Variants in KCNMA1 observed in about 807,000 individuals in gnomAD.
The protein encoded by KCNMA1 is Calcium-activated potassium channel subunit alpha-1.
In KCNMA1, 29 loss-of-function variants were observed where a neutral mutation model predicts 140.0. The observed-to-expected ratio is 0.21, with a 90% CI of 0.15 to 0.28. KCNMA1 has a LOEUF of 0.28. KCNMA1 is among the 10% of genes least tolerant of loss of function. The pLI is 1.00. For missense variants in KCNMA1, 880 were observed against 1,602.2 expected, an observed-to-expected ratio of 0.55 and a Z score of 7.70; for synonymous variants, 612 against 611.9, an observed-to-expected ratio of 1.00 and a Z score of 0.00.
intron 25 of KCNMA1, among the ~76,000 whole-genome samples, chr10:76,908,973 G>C (rs1407453676): frequency 6.6e-6 from 1 of 152,092 alleles, no homozygotes; most frequent in Non-Finnish European, 1.5e-5. Context: ...TTGTTTTTCG[G>C]TTGCAAAAGT....
At chr10:77,465,037 T>C (rs1345572634) in intron 1 of KCNMA1, among the ~76,000 whole-genome samples, 1 of 152,172 alleles carries the variant, frequency 6.6e-6, no homozygotes, top group Non-Finnish European at 1.5e-5. Context: ...CAAAAATAGA[T>C]GAGAGACTTA....
In KCNMA1 at chr10:76,977,871, C is replaced by T. The variant is rs769823172; in HGVS notation, c.2267-7804G>A. The T allele has an allele frequency of 1.8e-4, 89 of 505,424 alleles. 3 individuals are homozygous for T. Among genetic ancestry groups the T allele is most frequent in the Non-Finnish European group, 9.5e-5 (27 of 283,692 alleles). The allele number at this position is 505,424 out of a possible 1,614,324, so 31.3% of individuals were successfully genotyped here. The stretch of plus-strand genomic sequence containing the variant: ...CCACCCAGTACTTTGGAAAGCAAGG[C>T]GAACCACATCTACCGTGAGCAATTC... On this transcript the variant is annotated intron_variant, in intron 19 of 27. Transcript: ENST00000286628.
intron 17 of KCNMA1, among the ~76,000 whole-genome samples, chr10:77,018,301 G>A (rs1459051316): frequency 6.6e-6 from 1 of 152,158 alleles, no homozygotes; most frequent in East Asian, 1.9e-4. Context: ...TGAGCTGAAT[G>A]ACCTGTCTGA....
At chr10:77,584,937 C>G (rs1420767252) in intron 1 of KCNMA1, among the ~76,000 whole-genome samples, 1 of 152,254 alleles carries the variant, frequency 6.6e-6, no homozygotes, top group Non-Finnish European at 1.5e-5. Flanking sequence ...GGCCAAGGGA[C>G]ACTGGAGCAT....
chr10:76,973,900 A>C (rs1360949421), intron 19 of KCNMA1: 2 of 152,198 alleles, frequency 1.3e-5, no homozygotes, highest in African/African-American at 4.8e-5. Context: ...ATTCAGTCTA[A>C]TGCCTGCATT....
At chr10:77,452,663 C>A (rs1385083034) in intron 1 of KCNMA1, among the ~76,000 whole-genome samples, 1 of 152,200 alleles carries the variant, frequency 6.6e-6, no homozygotes, top group Non-Finnish European at 1.5e-5. Flanking sequence ...CTTCTGCCAA[C>A]CACAGCTGTA....
chr10:77,054,055 G>C (rs999714150), intron 14 of KCNMA1, among the ~76,000 whole-genome samples: 1 of 152,090 alleles, frequency 6.6e-6, no homozygotes, highest in South Asian at 2.1e-4. Flanking sequence ...GGTGAGGGCT[G>C]TGGTAGCAAT....
Position 77,039,550 on chromosome 10 carries a change from G to A in KCNMA1, c.1837C>T (p.Leu613=), listed in dbSNP as rs770184765. The A allele has an allele frequency of 1.2e-6, 2 of 1,607,392 alleles. No individual in the cohort carries two copies. Among genetic ancestry groups the A allele is most frequent in the African/African-American group, 1.3e-5 (1 of 74,898 alleles). The change falls in exon 15 of 28, where the codon CTG becomes TTG. Residue 613 remains leucine, a synonymous_variant. Coordinates refer to ENST00000286628, the MANE Select transcript of KCNMA1 (RefSeq NM_001161352.2). ...TACTCACAAACAGTAGGGAAGGACA[G>A]ACCCACGAAGGCACTGGAGAGATAT... ...TEYLSSAFVG[L]SFPTVCELCF... is the part of the protein sequence containing the mutation.
chr10:77,467,760 C>T (rs918838681), intron 1 of KCNMA1, among the ~76,000 whole-genome samples: 6 of 152,210 alleles, frequency 3.9e-5, no homozygotes, highest in East Asian at 3.9e-4. Flanking sequence ...GGCCACTCGC[C>T]GAGTTCTACA....
At chr10:77,091,626 T>G (rs2096820750) in intron 9 of KCNMA1, 1 of 152,252 alleles carries the variant, frequency 6.6e-6, no homozygotes, top group East Asian at 1.9e-4. Flanking sequence ...TGACAGCATC[T>G]GAGTCTCTAG....
intron 14 of KCNMA1, among the ~76,000 whole-genome samples, chr10:77,045,424 G>A (rs1282993089): frequency 1.3e-5 from 2 of 152,138 alleles, no homozygotes; most frequent in Admixed American, 6.5e-5. Flanking sequence ...AAATACACAC[G>A]GGATCATCAG....
chr10:77,382,992 GTGTATATATA>G (rs1339706808), intron 2 of KCNMA1, among the ~76,000 whole-genome samples: 5 of 44,478 alleles, frequency 1.1e-4, no homozygotes, highest in African/African-American at 4.0e-4. Flanking sequence ...GTGTGTGTGT[GTGTATATATA>G]TATATATATA....
chr10:76,947,480 G>C (rs2064459090), intron 22 of KCNMA1, among the ~76,000 whole-genome samples: 1 of 152,056 alleles, frequency 6.6e-6, no homozygotes, highest in African/African-American at 2.4e-5. Context: ...ACAGACTCAT[G>C]TATCCTGGTA....
chr10:77,306,497 C>T (rs1235935683), intron 2 of KCNMA1, among the ~76,000 whole-genome samples: 1 of 152,112 alleles, frequency 6.6e-6, no homozygotes, highest in African/African-American at 2.4e-5. Flanking sequence ...GCAGTTGAGC[C>T]ACATGAGTAT....
rs531619899 is a variant in KCNMA1, at chr10:77,085,955, G to A, written c.1440+533C>T. Among the ~76,000 whole-genome samples the A allele has an allele frequency of 5.9e-5, 9 of 152,112 alleles. No individual in the cohort carries two copies. The South Asian group carries it at 6.2e-4, about 11-fold the overall frequency. The stretch of plus-strand genomic sequence containing the variant: ...TACCAGTTTCTGGAAAAAAAGATTC[G>A]CCCATTATCAATGATATCAGATAAC... On this transcript the variant is annotated intron_variant, in intron 11 of 27. Coordinates refer to ENST00000286628, the MANE Select transcript of KCNMA1 (RefSeq NM_001161352.2).
At chr10:77,057,923 TATTATAGATAAATTGTCTAATGCAACCA>T (rs1565827607) in intron 14 of KCNMA1, among the ~76,000 whole-genome samples, 1 of 151,600 alleles carries the variant, frequency 6.6e-6, no homozygotes, top group African/African-American at 2.4e-5. Context: ...TAAATAATAA[TATTATAGATAAATTGTCTAATGCAACCA>T]ATTAAGAAAG....
intron 2 of KCNMA1, among the ~76,000 whole-genome samples, chr10:77,386,760 C>T (rs1023877257): frequency 4.7e-4 from 71 of 152,296 alleles, no homozygotes; most frequent in African/African-American, 1.6e-3. Flanking sequence ...GCCTCTGCTC[C>T]CCACTGCAAT....
intron 1 of KCNMA1, among the ~76,000 whole-genome samples, chr10:77,464,984 A>G (rs753088046): frequency 2.0e-5 from 3 of 152,224 alleles, no homozygotes; most frequent in Admixed American, 1.3e-4. Flanking sequence ...CCGTGTATAA[A>G]TCAACTTGGG....
intron 1 of KCNMA1, among the ~76,000 whole-genome samples, chr10:77,421,206 T>C (rs2096859599): frequency 6.6e-6 from 1 of 152,206 alleles, no homozygotes; most frequent in African/African-American, 2.4e-5. Flanking sequence ...ATGTCCTAGG[T>C]TTCCTTTTCC....
Sources: gnomAD v4.1 joint callset for allele counts (sites outside exome capture counted in the v4.1 genomes callset) on GRCh38, gnomAD v4.1.1 for gene constraint, MANE v1.5 for transcripts, NCBI Gene and HGNC (gene_info 2026-07-23, HGNC 2026-07-21) for gene names.